Variants in B3GALT5 observed in about 807,000 individuals in gnomAD.
B3GALT5 encodes the protein UDP-Gal:betaGlcNAc beta 1,3-galactosyltransferase, polypeptide 5.
For synonymous variants in B3GALT5, 156 were observed against 158.6 expected, an observed-to-expected ratio of 0.98 and a Z score of 0.12; for missense variants, 328 against 396.6, an observed-to-expected ratio of 0.83 and a Z score of 1.47.
intron 1 of B3GALT5, among the ~76,000 whole-genome samples, chr21:39,621,979 TGAAGTATATGCTTAATGTATTCTAC>T (rs2079136653): frequency 6.6e-6 from 1 of 152,100 alleles, no homozygotes; most frequent in Non-Finnish European, 1.5e-5. Context: ...CGTAGCTTCT[TGAAGTATATGCTTAATGTATTCTAC>T]ATATTTATTC....
chr21:39,639,355 C>CTTTCTTTCTTTCTTTTT (rs1569212210), intron 1 of B3GALT5, among the ~76,000 whole-genome samples: 2 of 79,478 alleles, frequency 2.5e-5, no homozygotes, highest in African/African-American at 4.5e-5. Flanking sequence ...TCTTTCCTTC[C>CTTTCTTTCTTTCTTTTT]TTCCTTCCTT....
chr21:39,650,372 A>T (rs1448432908), intron 2 of B3GALT5, among the ~76,000 whole-genome samples: 3 of 152,182 alleles, frequency 2.0e-5, no homozygotes, highest in Non-Finnish European at 4.4e-5. Flanking sequence ...CAGCTGCAAA[A>T]GGCGGGCACA....
chr21:39,636,641 A>T (rs907341417), intron 1 of B3GALT5, among the ~76,000 whole-genome samples: 1 of 152,164 alleles, frequency 6.6e-6, no homozygotes, highest in Admixed American at 6.5e-5. Context: ...TTGCCCACGA[A>T]TTCCCTGTTT....
At chr21:39,640,452 C>G (rs1007619643) in intron 1 of B3GALT5, among the ~76,000 whole-genome samples, 1 of 152,116 alleles carries the variant, frequency 6.6e-6, no homozygotes, top group Non-Finnish European at 1.5e-5. Flanking sequence ...TGCTCTCGCC[C>G]CATGGGTGAG....
chr21:39,638,132 G>A (rs113427749), intron 1 of B3GALT5, among the ~76,000 whole-genome samples: 1,631 of 152,278 alleles, frequency 0.011, 14 homozygotes, highest in Non-Finnish European at 0.015. Context: ...GGGGAAGGGC[G>A]TGGTCCCTGG....
Position 39,662,473 on chromosome 21 carries a change from T to A in B3GALT5, c.*981T>A, listed in dbSNP as rs565298967. 4 of 167,140 alleles carry A rather than the reference T, an allele frequency of 2.4e-5. No homozygotes were observed. Among genetic ancestry groups the A allele is most frequent in the Non-Finnish European group, 5.9e-5 (4 of 68,144 alleles). 10.4% of individuals were successfully genotyped at this position (167,140 alleles called of 1,614,324 possible). A position where few individuals can be genotyped will look rare whatever the true frequency, so the allele number is the denominator to read the frequency against. On this transcript the variant is annotated 3_prime_UTR_variant, in exon 4 of 4. Coordinates refer to ENST00000684187, the MANE Select transcript of B3GALT5 (RefSeq NM_001356336.2). ...TTCTGGGAGCTTTCTGGGAATTCAG[T>A]TGGAGTCAAGTCAGGATGCTCTCAA...
intron 1 of B3GALT5, among the ~76,000 whole-genome samples, chr21:39,645,038 A>T (rs550993984): frequency 1.3e-5 from 2 of 152,272 alleles, no homozygotes; most frequent in African/African-American, 2.4e-5. Context: ...GCCCCAGGGA[A>T]TGGAGGCGTC....
At chr21:39,649,198 G>T (rs979143420) in intron 2 of B3GALT5, among the ~76,000 whole-genome samples, 2 of 152,184 alleles carry the variant, frequency 1.3e-5, no homozygotes, top group Non-Finnish European at 2.9e-5. Context: ...GGCCCTGCTG[G>T]ACTCTAGACT....
At chr21:39,615,172 G>A (rs558383931) in intron 1 of B3GALT5, among the ~76,000 whole-genome samples, 93 of 152,254 alleles carry the variant, frequency 6.1e-4, no homozygotes, top group South Asian at 1.2e-3. Flanking sequence ...GAGGGCTCCC[G>A]TATTCCTTGT....
At chr21:39,656,849 T>G (rs76415125) in intron 2 of B3GALT5, among the ~76,000 whole-genome samples, 1 of 152,366 alleles carries the variant, frequency 6.6e-6, no homozygotes, top group African/African-American at 2.4e-5. Context: ...TCTAGCTTTG[T>G]GTGTTACTTA....
At chr21:39,616,166 A>G (rs1021536196) in intron 1 of B3GALT5, among the ~76,000 whole-genome samples, 3 of 152,182 alleles carry the variant, frequency 2.0e-5, no homozygotes, top group African/African-American at 7.2e-5. Flanking sequence ...TGGACAACAT[A>G]GCAAGACCCC....
In B3GALT5 at chr21:39,672,165, C is replaced by G. The variant is rs1220192788; in HGVS notation, c.*10673C>G. On this transcript the variant is annotated 3_prime_UTR_variant, in exon 4 of 4. Transcript: ENST00000684187. The stretch of plus-strand genomic sequence containing the variant: ...TAAGTTGGCCAGTGTGGCGTGGACA[C>G]AGCCAGGCGCAGACCCTCCTGCCAG... 2 of 152,234 alleles carry G rather than the reference C, an allele frequency of 1.3e-5. No individual in the cohort carries two copies. Among genetic ancestry groups the G allele is most frequent in the African/African-American group, 4.8e-5 (2 of 41,462 alleles). The allele number at this position is 152,234 out of a possible 1,614,324, so 9.4% of individuals were successfully genotyped here. A position where few individuals can be genotyped will look rare whatever the true frequency, so the allele number is the denominator to read the frequency against.
rs1332268217 is a variant in B3GALT5, at chr21:39,668,056, GGCT to G, written c.*6568_*6570del. On this transcript the variant is annotated 3_prime_UTR_variant, in exon 4 of 4. Transcript: ENST00000684187. Reference sequence around the variant, plus strand: ...GCACTGGGTGCAGGCTGAATGCATGGGCTGCTATCGCGATGTTGTATCTAATGG... The same window carrying G: ...GCACTGGGTGCAGGCTGAATGCATGGGCTATCGCGATGTTGTATCTAATGG... The G allele has an allele frequency of 6.6e-6, 1 of 152,232 alleles. No individual in the cohort carries two copies. Among genetic ancestry groups the G allele is most frequent in the African/African-American group, 2.4e-5 (1 of 41,452 alleles). 9.4% of individuals were successfully genotyped at this position (152,232 alleles called of 1,614,324 possible).
rs1332634325 is a variant in B3GALT5 at position 39,666,751 on chromosome 21, C to T, written c.*5259C>T. 6.6e-6 allele frequency: 1 copy of T among 152,264 alleles called. No homozygotes were observed. The highest frequency in any genetic ancestry group is 2.4e-5 in the African/African-American group (1 of 41,460). The allele number at this position is 152,264 out of a possible 1,614,324, so 9.4% of individuals were successfully genotyped here. ...CTCCTCTTCAAACACACCATTGTAA[C>T]CACATAATACACTGTGTGAAAAGAG... is the stretch of plus-strand genomic sequence containing the variant. On this transcript the variant is annotated 3_prime_UTR_variant, in exon 4 of 4. Transcript: ENST00000684187.
Position 39,659,845 on chromosome 21 carries a change from A to G in B3GALT5, c.-68A>G, listed in dbSNP as rs190071425. On this transcript the variant is annotated 5_prime_UTR_variant, in exon 3 of 4. Transcript: ENST00000684187. ...TCTACACTGACAGTTCTTTGAGACA[A>G]ATTTCCTCTTGGCATTTACACTGTG... 1.5e-5 allele frequency: 15 copies of G among 985,272 alleles called. No individual in the cohort carries two copies. In the African/African-American group the frequency reaches 1.7e-4, roughly 11 times the overall value. 61.0% of individuals were successfully genotyped at this position (985,272 alleles called of 1,614,324 possible).
chr21:39,654,266 G>C (rs760916518), intron 2 of B3GALT5, among the ~76,000 whole-genome samples: 1 of 152,188 alleles, frequency 6.6e-6, no homozygotes, highest in African/African-American at 2.4e-5. Flanking sequence ...ATTTTTTGTA[G>C]AGATAGGGTT....
rs1569212592 is a variant in B3GALT5, at chr21:39,639,455, T to TC, written c.-391-6937_-391-6936insC. On this transcript the variant is annotated intron_variant, in intron 1 of 3. Transcript: ENST00000684187. ...TTCTTTCTTTCTTTCTTTCTTTCTT[T>TC]TTTTCTTTCTCTCTCTCTCTCTCTT... 6.9e-4 allele frequency among the ~76,000 whole-genome samples: 93 copies of TC among 134,924 alleles called. 6 individuals carry two copies. The highest frequency in any genetic ancestry group is 2.2e-3 in the African/African-American group (75 of 33,442). The allele number at this position is 134,924 out of a possible 152,430, so 88.5% of individuals were successfully genotyped here.
chr21:39,618,304 T>G (rs972429918), intron 1 of B3GALT5, among the ~76,000 whole-genome samples: 1 of 152,214 alleles, frequency 6.6e-6, no homozygotes, highest in Non-Finnish European at 1.5e-5. Context: ...AGAGTGTACT[T>G]TAGAGTACAT....
intron 1 of B3GALT5, among the ~76,000 whole-genome samples, chr21:39,639,306 C>A (rs974056958): frequency 1.2e-5 from 1 of 85,638 alleles, no homozygotes; most frequent in African/African-American, 4.8e-5. Flanking sequence ...TTCTTTCTTT[C>A]TTTCTTTCTT....
Sources: allele counts gnomAD v4.1 joint callset (sites outside exome capture counted in the v4.1 genomes callset), GRCh38; gene constraint gnomAD v4.1.1; transcripts MANE v1.5; gene names NCBI Gene and HGNC (gene_info 2026-07-23, HGNC 2026-07-21).